The following ADARB2 variants were observed in gnomAD, a reference collection of about 807,000 sequenced individuals.
ADARB2 encodes adenosine deaminase RNA specific B2 (inactive), also known as inactive double-stranded RNA-specific editase B2.
ADARB2 carries 25 observed loss-of-function variants against 62.2 expected under a neutral mutation model. The ratio of observed to expected loss-of-function variants is 0.40; its 90% confidence interval spans 0.29 to 0.56. The LOEUF is 0.56. ADARB2 is among the 20% of genes least tolerant of loss of function. The pLI, the probability that ADARB2 is intolerant of heterozygous loss-of-function variation, is 0.43. For missense variants in ADARB2, 1,071 were observed against 1,077.4 expected (o/e 0.99, Z 0.08); for synonymous variants, 572 against 500.8 (o/e 1.14, Z -1.90).
intron 1 of ADARB2, among the ~76,000 whole-genome samples, chr10:1,484,169 A>G: frequency 6.6e-6 from 1 of 152,238 alleles, no homozygotes; most frequent in East Asian, 1.9e-4. Flanking sequence ...TTCCCAGGAC[A>G]ATACTATCTC....
intron 1 of ADARB2, among the ~76,000 whole-genome samples, chr10:1,486,583 A>G (rs1279354739): frequency 5.3e-5 from 8 of 152,172 alleles, no homozygotes; most frequent in Non-Finnish European, 4.4e-5. Flanking sequence ...ATACAAATAT[A>G]TTCTACTGTG....
intron 1 of ADARB2, among the ~76,000 whole-genome samples, chr10:1,647,660 A>C (rs1202620380): frequency 6.6e-6 from 1 of 151,806 alleles, no homozygotes; most frequent in Non-Finnish European, 1.5e-5. Flanking sequence ...GTATATGAGT[A>C]TATATGTGTA....
At chr10:1,402,249 TG>T (rs1832670112) in intron 1 of ADARB2, among the ~76,000 whole-genome samples, 1 of 152,182 alleles carries the variant, frequency 6.6e-6, no homozygotes, top group Non-Finnish European at 1.5e-5. Context: ...CCAAAGTCAG[TG>T]TTTACGCGTG....
intron 1 of ADARB2, among the ~76,000 whole-genome samples, chr10:1,600,450 CAGG>C (rs1397196042): frequency 1.3e-5 from 2 of 152,004 alleles, no homozygotes; most frequent in Non-Finnish European, 2.9e-5. Flanking sequence ...CATCTGAGGT[CAGG>C]AGTTTGAGAC....
chr10:1,523,734 C>T (rs1206373161), intron 1 of ADARB2, among the ~76,000 whole-genome samples: 1 of 152,188 alleles, frequency 6.6e-6, no homozygotes, highest in Non-Finnish European at 1.5e-5. Flanking sequence ...GCTTAATTCT[C>T]TCTAAAATCT....
At chr10:1,653,944 G>T (rs1043054068) in intron 1 of ADARB2, among the ~76,000 whole-genome samples, 2 of 152,160 alleles carry the variant, frequency 1.3e-5, no homozygotes, top group African/African-American at 2.4e-5. Context: ...CCGTGTGGCT[G>T]GGGGAGGGGA....
rs942590457 is a variant in ADARB2 at position 1,624,878 on chromosome 10, TA to T, written c.100+112172del. On this transcript the variant is annotated intron_variant, in intron 1 of 9. Transcript: ENST00000381312. ...CTTGAGATTCTTCTTGACTTGGAAT[TA>T]AAAAAAACTAAAGGTTAAATTACAG... Among the ~76,000 whole-genome samples, 11 of 152,150 alleles carry T rather than the reference TA, an allele frequency of 7.2e-5. No individual in the cohort carries two copies. In the East Asian group the frequency reaches 1.5e-3, roughly 21 times the overall value.
At chr10:1,383,009 T>C (rs2131862018) in intron 1 of ADARB2, among the ~76,000 whole-genome samples, 1 of 152,368 alleles carries the variant, frequency 6.6e-6, no homozygotes, top group Middle Eastern at 3.4e-3. Context: ...AGAGTCTTTT[T>C]CAGGAAAGGT....
At chr10:1,347,832 A>G (rs1013889098) in intron 3 of ADARB2, among the ~76,000 whole-genome samples, 12 of 152,142 alleles carry the variant, frequency 7.9e-5, no homozygotes, top group African/African-American at 1.2e-4. Context: ...GCTCAGGGTA[A>G]TTGGGAGATG....
chr10:1,705,496 GGTA>G (rs1364294437), intron 1 of ADARB2, among the ~76,000 whole-genome samples: 1 of 152,254 alleles, frequency 6.6e-6, no homozygotes, highest in African/African-American at 2.4e-5. Flanking sequence ...TGCAAGGCCA[GGTA>G]GGTTCTCAGG....
intron 1 of ADARB2, among the ~76,000 whole-genome samples, chr10:1,636,790 T>C (rs1045736471): frequency 1.3e-5 from 2 of 148,540 alleles, no homozygotes; most frequent in Non-Finnish European, 3.0e-5. Context: ...ATATCAATAT[T>C]ATATGACATA....
intron 1 of ADARB2, among the ~76,000 whole-genome samples, chr10:1,712,240 C>G (rs1188212942): frequency 1.3e-5 from 2 of 152,164 alleles, no homozygotes; most frequent in Admixed American, 6.5e-5. Flanking sequence ...TGCTTATCTC[C>G]TGACACACAG....
At chr10:1,413,306 C>T (rs1832774427) in intron 1 of ADARB2, among the ~76,000 whole-genome samples, 1 of 152,158 alleles carries the variant, frequency 6.6e-6, no homozygotes, top group Non-Finnish European at 1.5e-5. Flanking sequence ...CCGACACTGA[C>T]ACAGCACTGG....
chr10:1,385,721 T>C (rs1412708017), intron 1 of ADARB2, among the ~76,000 whole-genome samples: 2 of 152,170 alleles, frequency 1.3e-5, no homozygotes, highest in African/African-American at 4.8e-5. Context: ...GTAGAAAATA[T>C]ACTTTAAATA....
intron 1 of ADARB2, among the ~76,000 whole-genome samples, chr10:1,458,528 C>T (rs1831125875): frequency 1.3e-5 from 2 of 152,212 alleles, no homozygotes; most frequent in Admixed American, 6.5e-5. Context: ...CCCCTCTTAG[C>T]CCTATCCTGG....
rs559940019 is a variant in ADARB2 at position 1,578,414 on chromosome 10, C to T, written c.100+158637G>A. On this transcript the variant is annotated intron_variant, in intron 1 of 9. Coordinates refer to ENST00000381312, the MANE Select transcript of ADARB2 (RefSeq NM_018702.4). ...CTTAGTTTCATTTTATCACTGCAAG[C>T]GACTTTGAAACCTGCGTGAGGCTTT... Among the ~76,000 whole-genome samples the T allele has an allele frequency of 3.2e-4, 48 of 152,258 alleles. 1 individual carries two copies. In the South Asian group the frequency reaches 8.1e-3, roughly 26 times the overall value.
intron 1 of ADARB2, among the ~76,000 whole-genome samples, chr10:1,471,535 C>A (rs1010725761): frequency 5.9e-5 from 9 of 152,266 alleles, no homozygotes; most frequent in Non-Finnish European, 2.9e-5. Context: ...GGATTACAGG[C>A]ATACGCCACC....
intron 6 of ADARB2, among the ~76,000 whole-genome samples, chr10:1,226,266 C>T (rs1440459747): frequency 1.3e-5 from 2 of 152,178 alleles, no homozygotes; most frequent in African/African-American, 2.4e-5. Context: ...TCCATCAGGT[C>T]CTTTAAGGAC....
intron 1 of ADARB2, among the ~76,000 whole-genome samples, chr10:1,382,424 T>C (rs1195179473): frequency 6.6e-6 from 1 of 152,208 alleles, no homozygotes; most frequent in Non-Finnish European, 1.5e-5. Context: ...GAAGCAATTA[T>C]TTCCAAGAAA....
Sources: allele counts gnomAD v4.1 joint callset (sites outside exome capture counted in the v4.1 genomes callset), GRCh38; gene constraint gnomAD v4.1.1; transcripts MANE v1.5; gene names NCBI Gene and HGNC (gene_info 2026-07-23, HGNC 2026-07-21).